ADCY9: variants seen among roughly 807,000 people sequenced by gnomAD.
ADCY9 encodes the protein adenylate cyclase type 9.
ADCY9 carries 50 observed loss-of-function variants against 101.5 expected under a neutral mutation model. The observed-to-expected ratio is 0.49, with a 90% CI of 0.39 to 0.62. The LOEUF (loss-of-function observed/expected upper bound fraction) is 0.62. Ranked by LOEUF, ADCY9 falls within the 20% of genes least tolerant of loss-of-function variation. The probability of loss-of-function intolerance (pLI) is 0.00; values close to 1 mark genes in which losing one functional copy is unlikely to be tolerated. For missense variants in ADCY9, 1,662 were observed against 1,800.4 expected (o/e 0.92, Z 1.39); for synonymous variants, 905 against 769.3 (o/e 1.18, Z -2.92).
chr16:3,959,778 C>T (rs1008426242), downstream of ADCY9, among the ~76,000 whole-genome samples: 5 of 152,180 alleles, frequency 3.3e-5, no homozygotes, highest in African/African-American at 7.2e-5. Flanking sequence ...GTAATCCTAG[C>T]ACTCTGTGAG....
At chr16:4,036,316 T>A (rs559612742) in intron 2 of ADCY9, among the ~76,000 whole-genome samples, 16 of 152,196 alleles carry the variant, frequency 1.1e-4, no homozygotes, top group African/African-American at 3.9e-4. Context: ...TTTGAAAGTC[T>A]GTATTCAACA....
chr16:3,989,281 C>T (rs915784222), intron 5 of ADCY9, among the ~76,000 whole-genome samples, 185 bp from the exon 6 acceptor site: 15 of 152,300 alleles, frequency 9.8e-5, no homozygotes, highest in African/African-American at 2.9e-4. Context: ...GAAAGTCCTT[C>T]GCACCTCAAA....
At chr16:3,974,978 C>T (rs1285659768) in intron 9 of ADCY9, among the ~76,000 whole-genome samples, 3 of 152,148 alleles carry the variant, frequency 2.0e-5, no homozygotes, top group Non-Finnish European at 4.4e-5. Context: ...GGATTAGGGG[C>T]TCTGAGGCCT....
At chr16:3,979,381 T>C in intron 7 of ADCY9, 106 bp from the exon 8 acceptor site, 2 of 1,359,624 alleles carry the variant, frequency 1.5e-6, no homozygotes, top group Non-Finnish European at 2.0e-6. Flanking sequence ...CTCTCTCCCG[T>C]GTTGCCCCTG....
At chr16:4,102,226 C>T (rs1020945349) in intron 2 of ADCY9, among the ~76,000 whole-genome samples, 9 of 152,164 alleles carry the variant, frequency 5.9e-5, no homozygotes, top group Middle Eastern at 3.2e-3. Context: ...ATTCTCCCAA[C>T]GACCCTCTGA....
chr16:4,004,258 A>AG (rs2056352031), intron 3 of ADCY9, among the ~76,000 whole-genome samples: 1 of 150,374 alleles, frequency 6.7e-6, no homozygotes, highest in Non-Finnish European at 1.5e-5. Flanking sequence ...CTTTAAAAAA[A>AG]AAAAAAAAAA....
In ADCY9 at chr16:4,036,462, G is replaced by GTTTTT. The variant is rs59816813; in HGVS notation, c.1694-28909_1694-28905dup. Among the ~76,000 whole-genome samples, 1,032 of 103,348 alleles carry GTTTTT rather than the reference G, an allele frequency of 1.0e-2. 2 individuals are homozygous for GTTTTT. Among genetic ancestry groups the GTTTTT allele is most frequent in the Non-Finnish European group, 0.014 (776 of 54,986 alleles). 67.8% of individuals were successfully genotyped at this position (103,348 alleles called of 152,430 possible). A position where few individuals can be genotyped will look rare whatever the true frequency, so the allele number is the denominator to read the frequency against. ...TACATTTTGGTTTTGGGGTTTGTTT[G>GTTTTT]TTTTTTTTTTTTTTTTTTTTGAGAC... On this transcript the variant is annotated intron_variant, in intron 2 of 10. Coordinates refer to ENST00000294016, the MANE Select transcript of ADCY9 (RefSeq NM_001116.4).
In ADCY9 at chr16:3,992,041, A is replaced by T; in HGVS notation, c.2207+105T>A. The T allele has an allele frequency of 8.6e-7, 1 of 1,164,930 alleles. No homozygotes were observed. Among genetic ancestry groups the T allele is most frequent in the Non-Finnish European group, 1.2e-6 (1 of 819,250 alleles). The allele number at this position is 1,164,930 out of a possible 1,614,324, so 72.2% of individuals were successfully genotyped here. ...AGCCAAGATCGCGCCACTGCACTGC[A>T]GCCTGGATGACAGAGCGAGACTCAG... On this transcript the variant is annotated intron_variant, in intron 5 of 10. Transcript: ENST00000294016. This position sits in a 1 kb window ranked among gnomAD's most constrained non-coding sequence, Gnocchi z 4.2.
intron 3 of ADCY9, 22 bp downstream of exon 3, chr16:4,007,346 A>C (rs765898632): frequency 6.6e-7 from 1 of 1,511,014 alleles, no homozygotes; most frequent in South Asian, 1.3e-5. Flanking sequence ...AGAAGTAGGA[A>C]AAAAAAAACA....
At chr16:4,027,368 C>T (rs1211103914) in intron 2 of ADCY9, among the ~76,000 whole-genome samples, 2 of 152,204 alleles carry the variant, frequency 1.3e-5, no homozygotes, top group African/African-American at 4.8e-5. Flanking sequence ...ACTGGTAACA[C>T]CCATAAAGGG....
chr16:4,081,008 G>C (rs1322136014), intron 2 of ADCY9, among the ~76,000 whole-genome samples: 1 of 152,170 alleles, frequency 6.6e-6, no homozygotes, highest in Admixed American at 6.5e-5. Context: ...AAATTAGAGA[G>C]ATGAGAACTG....
chr16:3,996,445 A>G (rs1264496099), intron 3 of ADCY9, among the ~76,000 whole-genome samples: 2 of 152,192 alleles, frequency 1.3e-5, no homozygotes, highest in Non-Finnish European at 2.9e-5. Flanking sequence ...TCTAACACCA[A>G]GAGAAGAATA....
At chr16:4,111,283 T>C (rs1454345563) in intron 2 of ADCY9, among the ~76,000 whole-genome samples, 2 of 152,030 alleles carry the variant, frequency 1.3e-5, no homozygotes, top group Non-Finnish European at 1.5e-5. Context: ...GTTTTTTTTG[T>C]TTTTGTTGTT....
intron 2 of ADCY9, among the ~76,000 whole-genome samples, chr16:4,053,224 C>T (rs1447923160): frequency 1.3e-5 from 2 of 152,122 alleles, no homozygotes; most frequent in Non-Finnish European, 2.9e-5. Context: ...TCAAGTGAGC[C>T]GCAAGAGACT....
chr16:3,969,841 C>T (rs543239438), intron 10 of ADCY9, among the ~76,000 whole-genome samples: 2 of 151,368 alleles, frequency 1.3e-5, no homozygotes, highest in Admixed American at 1.3e-4. Context: ...GTCTCAAACT[C>T]CTGGGTTCAA....
intron 3 of ADCY9, among the ~76,000 whole-genome samples, chr16:4,004,135 C>G (rs1307446773): frequency 6.6e-6 from 1 of 151,422 alleles, no homozygotes; most frequent in Admixed American, 6.6e-5. Flanking sequence ...GTGGTCCTAG[C>G]TACTCAGCAG....
intron 2 of ADCY9, among the ~76,000 whole-genome samples, chr16:4,040,648 G>T (rs2056620634): frequency 6.6e-6 from 1 of 152,166 alleles, no homozygotes; most frequent in South Asian, 2.1e-4. Context: ...GTAGAGACGA[G>T]ATTTCACCAT....
rs944391544 is a variant in ADCY9 at position 4,089,303 on chromosome 16, C to T, written c.1693+24447G>A. Among the ~76,000 whole-genome samples, 4 of 151,976 alleles carry T rather than the reference C, an allele frequency of 2.6e-5. No homozygotes were observed. The East Asian group carries it at 5.8e-4, about 22-fold the overall frequency. ...CTGGTCTCGAACTCCTGGGCTCAAGCGATCGAAACGTGGCCTTTGTGGTCT... is the reference window on the plus strand; with the variant it reads ...CTGGTCTCGAACTCCTGGGCTCAAGTGATCGAAACGTGGCCTTTGTGGTCT... On this transcript the variant is annotated intron_variant, in intron 2 of 10. Transcript: ENST00000294016.
At chr16:4,050,649 G>A (rs2056695079) in intron 2 of ADCY9, among the ~76,000 whole-genome samples, 1 of 136,770 alleles carries the variant, frequency 7.3e-6, no homozygotes, top group African/African-American at 2.7e-5. Flanking sequence ...GGAGGCAGAG[G>A]TTGCGGTGAG....
Sources: gnomAD v4.1 joint callset for allele counts (sites outside exome capture counted in the v4.1 genomes callset) on GRCh38, gnomAD v4.1.1 for gene constraint, Gnocchi (gnomAD v3.1) non-coding constraint, MANE v1.5 for transcripts, NCBI Gene and HGNC (gene_info 2026-07-23, HGNC 2026-07-21) for gene names.